JADE3: variants seen among roughly 807,000 people sequenced by gnomAD.
JADE3 encodes jade family PHD finger 3.
JADE3 carries 2 observed loss-of-function variants against 50.1 expected under a neutral mutation model. The observed-to-expected ratio is 0.04, with a 90% confidence interval of 0.02 to 0.13. JADE3 has a LOEUF of 0.13. JADE3 is among the 10% of genes least tolerant of loss of function. The pLI is 1.00. For missense variants in JADE3, 475 were observed against 634.4 expected (o/e 0.75, Z 2.70); for synonymous variants, 218 against 232.9 (o/e 0.94, Z 0.58).
At chrX:46,919,647 A>T (rs1267357494) in intron 1 of JADE3, among the ~76,000 whole-genome samples, 1 of 111,389 alleles carries the variant, frequency 9.0e-6, no homozygotes, top group Non-Finnish European at 1.9e-5. Flanking sequence ...AATAGGCTTC[A>T]CAACAGCTTG....
At chrX:46,985,689 T>A in intron 2 of JADE3, 24 bp from the exon 3 acceptor site, 1 of 1,056,526 alleles carries the variant, frequency 9.5e-7, no homozygotes, top group Non-Finnish European at 1.3e-6. Flanking sequence ...TGTCTCAGTA[T>A]TTTTTTCTAA....
intron 1 of JADE3, among the ~76,000 whole-genome samples, chrX:46,982,386 T>C (rs999282185): frequency 3.0e-4 from 34 of 111,645 alleles, no homozygotes; most frequent in African/African-American, 1.1e-3. Flanking sequence ...CTTTACTTCT[T>C]TAATCATGGT....
intron 7 of JADE3, among the ~76,000 whole-genome samples, chrX:47,035,027 T>A (rs1005714154): frequency 9.0e-6 from 1 of 111,552 alleles, no homozygotes; most frequent in South Asian, 3.7e-4. Flanking sequence ...CTTCAGTTGC[T>A]GGTATTTCCT....
intron 4 of JADE3, among the ~76,000 whole-genome samples, chrX:47,021,589 ACC>A (rs1928794261): frequency 9.0e-6 from 1 of 111,591 alleles, no homozygotes. Flanking sequence ...CCATTTCCTT[ACC>A]AACATTTAGT....
intron 1 of JADE3, among the ~76,000 whole-genome samples, chrX:46,916,136 T>C (rs1316343094): frequency 8.9e-6 from 1 of 112,177 alleles, no homozygotes; most frequent in Non-Finnish European, 1.9e-5. Context: ...ACTTTGTGTG[T>C]TGGAATCTTC....
intron 1 of JADE3, among the ~76,000 whole-genome samples, chrX:46,941,953 G>A (rs1236324650): frequency 2.8e-5 from 3 of 105,907 alleles, no homozygotes; most frequent in Non-Finnish European, 5.8e-5. Context: ...TGTTGCCCAG[G>A]CTAGTCTTGA....
At chrX:47,018,658 C>G (rs1362533809) in intron 4 of JADE3, among the ~76,000 whole-genome samples, 1 of 112,269 alleles carries the variant, frequency 8.9e-6, no homozygotes, top group African/African-American at 3.2e-5. Context: ...ACACATTTAT[C>G]TTATTTAAAA....
intron 1 of JADE3, among the ~76,000 whole-genome samples, chrX:46,951,352 C>G (rs1200745540): frequency 3.3e-5 from 3 of 90,750 alleles, no homozygotes; most frequent in East Asian, 4.1e-4. Context: ...TTTGGGAGGC[C>G]GAGGCAGGCA....
rs1256916751 is a variant in JADE3 at position 47,058,909 on chromosome X, C to G, written c.2304C>G (p.Cys768Trp). The change falls in exon 11 of 11, where the codon TGC becomes TGG. Residue 768 changes from cysteine (C) to tryptophan (W), a missense_variant. Physicochemically the swap from Cys to Trp is radical, Grantham distance 215. This residue lies in a region of JADE3 where 243 missense variants were observed against 238.2 expected (regional missense o/e 1.02). Transcript: ENST00000614628. ...CATATCAGGAAAATGATGGCTATTG[C>G]CCAGATTTGGAGCTGAGTGATTCAG... ...RAPYQENDGYCPDLELSDSEA... is the reference protein window; with the variant it reads ...RAPYQENDGYWPDLELSDSEA... 2 of 1,209,098 alleles carry G rather than the reference C, an allele frequency of 1.7e-6. No homozygotes were observed. Among genetic ancestry groups the G allele is most frequent in the Non-Finnish European group, 2.2e-6 (2 of 894,950 alleles).
chrX:47,005,444 T>C (rs781801222), intron 4 of JADE3, among the ~76,000 whole-genome samples: 3 of 111,398 alleles, frequency 2.7e-5, no homozygotes, highest in African/African-American at 9.8e-5. Context: ...TTTCACCACG[T>C]TGGCCGGGCT....
intron 4 of JADE3, among the ~76,000 whole-genome samples, chrX:47,012,824 ATT>A (rs1222912912): frequency 9.3e-6 from 1 of 107,356 alleles, no homozygotes; most frequent in African/African-American, 3.4e-5. Flanking sequence ...GTCCAAGTTC[ATT>A]TTTTTTTATG....
At chrX:47,034,766 ATTTTT>A (rs59276816) in intron 7 of JADE3, among the ~76,000 whole-genome samples, 1 of 89,124 alleles carries the variant, frequency 1.1e-5, no homozygotes. Flanking sequence ...TGCCTGGCTA[ATTTTT>A]TTTTTTTTTT....
chrX:47,049,090 G>A (rs1441498504), intron 8 of JADE3, among the ~76,000 whole-genome samples: 7 of 110,930 alleles, frequency 6.3e-5, no homozygotes, highest in Admixed American at 1.9e-4. Context: ...TGAGATGTAT[G>A]CAAAGGCATT....
rs1170533166 is a variant in JADE3, at chrX:47,017,283, G to A, written c.285-7441G>A. 5.4e-5 allele frequency among the ~76,000 whole-genome samples: 6 copies of A among 111,753 alleles called. No individual in the cohort carries two copies. In the East Asian group the frequency reaches 1.4e-3, roughly 26 times the overall value. ...TACTGATGACCAAAAGAAATTTTTC[G>A]ACAGTGAGTTCAACAAATAAAGATG... On this transcript the variant is annotated intron_variant, in intron 4 of 10. Coordinates refer to ENST00000614628, the MANE Select transcript of JADE3 (RefSeq NM_014735.5).
At chrX:47,004,451 T>C (rs1928365594) in intron 4 of JADE3, among the ~76,000 whole-genome samples, 1 of 111,836 alleles carries the variant, frequency 8.9e-6, no homozygotes, top group African/African-American at 3.3e-5. Flanking sequence ...TGTTTGTTTG[T>C]TTGAGGCCTT....
intron 7 of JADE3, among the ~76,000 whole-genome samples, chrX:47,036,871 A>G (rs1196309697): frequency 2.5e-5 from 2 of 80,176 alleles, no homozygotes; most frequent in Admixed American, 1.5e-4. Flanking sequence ...AAAAAACCAA[A>G]CACCGCATAT....
Position 47,054,608 on chromosome X carries a change from C to T in JADE3, c.1423C>T (p.Leu475=), listed in dbSNP as rs1556373006. 1 of 1,195,006 alleles carries T rather than the reference C, an allele frequency of 8.4e-7. No individual in the cohort carries two copies. The highest frequency in any genetic ancestry group is 2.2e-5 in the Admixed American group (1 of 45,609). ...IHTRMRMFMH[L]RQDLERVRNL... is the part of the protein sequence containing the mutation. ...CACTCGAATGAGAATGTTTATGCATCTACGCCAGGACCTGGAGAGGGTAAG... is the reference window on the plus strand; with the variant it reads ...CACTCGAATGAGAATGTTTATGCATTTACGCCAGGACCTGGAGAGGGTAAG... Residue 475 remains leucine (L), a synonymous_variant, in exon 9 of 11, where the codon CTA becomes TTA. Coordinates refer to ENST00000614628, the MANE Select transcript of JADE3 (RefSeq NM_014735.5).
At chrX:46,981,119 G>A (rs1927742624) in intron 1 of JADE3, among the ~76,000 whole-genome samples, 1 of 111,789 alleles carries the variant, frequency 8.9e-6, no homozygotes. Context: ...ACGCAGTCCT[G>A]ATGACATCTT....
intron 1 of JADE3, among the ~76,000 whole-genome samples, chrX:46,922,239 T>C (rs1926238604): frequency 8.9e-6 from 1 of 111,785 alleles, no homozygotes; most frequent in Non-Finnish European, 1.9e-5. Context: ...CCATAGTTAA[T>C]GTGTCTTTTT....
Sources: allele counts gnomAD v4.1 joint callset (sites outside exome capture counted in the v4.1 genomes callset), GRCh38; gene constraint gnomAD v4.1.1; regional missense constraint gnomAD v4.1.1; transcripts MANE v1.5; gene names NCBI Gene and HGNC (gene_info 2026-07-23, HGNC 2026-07-21).